Variants in DCDC1 observed in about 807,000 individuals in gnomAD.
DCDC1 encodes the protein doublecortin domain containing 1, also known as doublecortin domain-containing protein 1.
DCDC1 carries 200 observed loss-of-function variants against 178.3 expected under a neutral mutation model. The ratio of observed to expected loss-of-function variants is 1.12; its 90% CI spans 1.00 to 1.26. DCDC1 has a LOEUF of 1.26. Ranked by LOEUF, DCDC1 falls within the 50% of genes most tolerant of loss-of-function variation. DCDC1 has a pLI of 0.00. For synonymous variants in DCDC1, 690 were observed against 604.8 expected, an observed-to-expected ratio of 1.14 and a Z score of -2.07; for missense variants, 1,983 against 1,749.2, an observed-to-expected ratio of 1.13 and a Z score of -2.38.
chr11:30,969,631 C>T (rs781650992), intron 20 of DCDC1, among the ~76,000 whole-genome samples: 1 of 152,152 alleles, frequency 6.6e-6, no homozygotes, highest in African/African-American at 2.4e-5. Context: ...ACAGTAATTG[C>T]TTCTTTGCTT....
chr11:30,932,079 A>T, intron 21 of DCDC1, 127 bp from the exon 22 acceptor site: 1 of 765,478 alleles, frequency 1.3e-6, no homozygotes. Context: ...GTATTGGGGT[A>T]CCTAAGATGC....
rs747220125 is a variant in DCDC1, at chr11:30,906,647, T to C, written c.3997A>G (p.Lys1333Glu). The C allele has an allele frequency of 6.2e-7, 1 of 1,613,702 alleles. No homozygotes were observed. Among genetic ancestry groups the C allele is most frequent in the Non-Finnish European group, 8.5e-7 (1 of 1,179,742 alleles). Reference sequence around the variant, plus strand: ...CCTGGAAGCAATTGTTTCAGTCCTTTCTCTGTTCTCATGGATTGTCCACAA... The same window carrying C: ...CCTGGAAGCAATTGTTTCAGTCCTTCCTCTGTTCTCATGGATTGTCCACAA... ...LACGQSMRTEKGLKQLLPGVP... is the reference protein window; with the variant it reads ...LACGQSMRTEEGLKQLLPGVP... Residue 1333 changes from lysine (K) to glutamate (E), a missense_variant, in exon 30 of 39, where the codon AAA (lysine) becomes GAA (glutamate). Coordinates refer to ENST00000684477, the MANE Select transcript of DCDC1 (RefSeq NM_001387274.1).
chr11:31,068,911 G>A (rs1449860180), intron 18 of DCDC1, among the ~76,000 whole-genome samples: 1 of 151,912 alleles, frequency 6.6e-6, no homozygotes, highest in East Asian at 1.9e-4. Context: ...GAATGCAGTG[G>A]TGCAATCTCG....
intron 20 of DCDC1, among the ~76,000 whole-genome samples, chr11:30,956,157 T>C (rs1481298225): frequency 1.3e-5 from 2 of 152,158 alleles, no homozygotes; most frequent in African/African-American, 4.8e-5. Context: ...AGCATTCATG[T>C]TGGGGAAAAT....
chr11:31,293,403 A>G (rs1287216162), intron 6 of DCDC1, among the ~76,000 whole-genome samples: 2 of 152,184 alleles, frequency 1.3e-5, no homozygotes, highest in African/African-American at 4.8e-5. Context: ...GAGATGTTAC[A>G]GGCACCAAGA....
intron 1 of DCDC1, among the ~76,000 whole-genome samples, chr11:31,341,839 A>G (rs1591811127): frequency 6.6e-6 from 1 of 151,714 alleles, no homozygotes; most frequent in African/African-American, 2.4e-5. Flanking sequence ...ACACACACAC[A>G]CACACATTTT....
chr11:31,064,935 T>C, intron 19 of DCDC1, 84 bp downstream of exon 19: 3 of 612,362 alleles, frequency 4.9e-6, no homozygotes, highest in Non-Finnish European at 8.7e-6. Context: ...GCTTGCCTCC[T>C]GAAAACAACT....
At chr11:31,169,197 CACAGAGAGGGGA>C (rs1437932090) in intron 9 of DCDC1, among the ~76,000 whole-genome samples, 1 of 152,046 alleles carries the variant, frequency 6.6e-6, no homozygotes, top group Non-Finnish European at 1.5e-5. Flanking sequence ...AACACATGGA[CACAGAGAGGGGA>C]ACAACATACA....
intron 20 of DCDC1, among the ~76,000 whole-genome samples, chr11:31,043,226 T>C (rs1565213780): frequency 6.6e-6 from 1 of 152,214 alleles, no homozygotes; most frequent in Non-Finnish European, 1.5e-5. Context: ...AATTTCCTTA[T>C]GCTGTGTAAT....
chr11:30,986,406 C>T (rs1950648674), intron 20 of DCDC1, among the ~76,000 whole-genome samples: 1 of 150,976 alleles, frequency 6.6e-6, no homozygotes, highest in South Asian at 2.1e-4. Flanking sequence ...GACCCTGGCT[C>T]ACTGTAAGCT....
At chr11:31,161,912 A>G (rs1477850843) in intron 9 of DCDC1, among the ~76,000 whole-genome samples, 2 of 152,214 alleles carry the variant, frequency 1.3e-5, no homozygotes, top group African/African-American at 4.8e-5. Context: ...TAAATCTTCA[A>G]TTGTATTAAC....
chr11:31,311,396 C>T (rs1381006704), intron 3 of DCDC1, among the ~76,000 whole-genome samples: 3 of 152,146 alleles, frequency 2.0e-5, no homozygotes, highest in Non-Finnish European at 4.4e-5. Flanking sequence ...CTGTCTGGCA[C>T]ACTAAGATGA....
In DCDC1 at chr11:30,922,776, C is replaced by T. The variant is rs186701033; in HGVS notation, c.2998-138G>A. 265 of 789,910 alleles carry T rather than the reference C, an allele frequency of 3.4e-4. 1 individual carries two copies. In the Admixed American group the frequency reaches 7.4e-3, roughly 22 times the overall value. 48.9% of individuals were successfully genotyped at this position (789,910 alleles called of 1,614,324 possible). Reference sequence around the variant, plus strand: ...TGAATGATTAAAGAAAACTGTGTACCACTCAGTACTTTCAAAAAAATCAAA... The same window carrying T: ...TGAATGATTAAAGAAAACTGTGTACTACTCAGTACTTTCAAAAAAATCAAA... On this transcript the variant is annotated intron_variant, in intron 23 of 38. Transcript: ENST00000684477.
chr11:31,212,940 C>G (rs1014198746), intron 9 of DCDC1, among the ~76,000 whole-genome samples: 1 of 152,042 alleles, frequency 6.6e-6, no homozygotes, highest in African/African-American at 2.4e-5. Context: ...TGTGGTAAAC[C>G]TGTGTACTAC....
intron 20 of DCDC1, among the ~76,000 whole-genome samples, chr11:31,002,661 C>G (rs1213051503): frequency 2.0e-5 from 3 of 152,082 alleles, no homozygotes; most frequent in Non-Finnish European, 4.4e-5. Flanking sequence ...AATTTTCTTA[C>G]ACACTACCTT....
At chr11:30,927,985 T>C (rs980665934) in intron 22 of DCDC1, among the ~76,000 whole-genome samples, 8 of 152,058 alleles carry the variant, frequency 5.3e-5, no homozygotes, top group African/African-American at 1.4e-4. Flanking sequence ...TATACGTTAG[T>C]GGTATGGTTT....
At chr11:31,241,128 ATG>A (rs1257376714) in intron 9 of DCDC1, among the ~76,000 whole-genome samples, 1 of 152,014 alleles carries the variant, frequency 6.6e-6, no homozygotes, top group African/African-American at 2.4e-5. Flanking sequence ...CAACCTTCAA[ATG>A]ACTTAGGAGC....
intron 15 of DCDC1, among the ~76,000 whole-genome samples, chr11:31,094,563 A>T (rs1958027626): frequency 6.6e-6 from 1 of 152,176 alleles, no homozygotes; most frequent in Non-Finnish European, 1.5e-5. Context: ...AGTAACCTAA[A>T]GGTGGAGCAT....
chr11:30,912,507 A>G (rs902570632), intron 27 of DCDC1, among the ~76,000 whole-genome samples: 1 of 152,024 alleles, frequency 6.6e-6, no homozygotes, highest in African/African-American at 2.4e-5. Flanking sequence ...TGGTCCAGCC[A>G]GGTGATCTCA....
Sources: allele counts gnomAD v4.1 joint callset (sites outside exome capture counted in the v4.1 genomes callset), GRCh38; gene constraint gnomAD v4.1.1; transcripts MANE v1.5; gene names NCBI Gene and HGNC (gene_info 2026-07-23, HGNC 2026-07-21).